PRKN: variants seen among roughly 807,000 people sequenced by gnomAD.
PRKN encodes parkin RBR E3 ubiquitin protein ligase, also known as E3 ubiquitin-protein ligase parkin.
Under a neutral mutation model 59.5 loss-of-function variants are expected in PRKN, and 56 were observed. That is an observed-to-expected ratio of 0.94 (90% CI 0.76 to 1.18). The LOEUF (loss-of-function observed/expected upper bound fraction) is 1.18. Among genes scored for constraint, PRKN ranks in the 50% most tolerant of loss-of-function variants. The pLI is 0.00. For synonymous variants in PRKN, 250 were observed against 222.1 expected, an observed-to-expected ratio of 1.13 and a Z score of -1.12; for missense variants, 657 against 596.4, an observed-to-expected ratio of 1.10 and a Z score of -1.06.
chr6:162,151,252 C>T (rs950257224), intron 4 of PRKN, among the ~76,000 whole-genome samples: 1 of 152,214 alleles, frequency 6.6e-6, no homozygotes, highest in South Asian at 2.1e-4. Context: ...GGCAAGCTGG[C>T]TGGCCGAGAG....
intron 6 of PRKN, among the ~76,000 whole-genome samples, chr6:161,870,671 C>T (rs1384640165): frequency 6.6e-6 from 1 of 152,104 alleles, no homozygotes; most frequent in Non-Finnish European, 1.5e-5. Context: ...AAAAATCCTG[C>T]TGGCCTGTGA....
chr6:162,553,496 C>T (rs1237478475), intron 1 of PRKN, among the ~76,000 whole-genome samples: 2 of 143,144 alleles, frequency 1.4e-5, no homozygotes, highest in African/African-American at 5.2e-5. Flanking sequence ...GAGCCATCTG[C>T]TGATGTGAAC....
intron 5 of PRKN, among the ~76,000 whole-genome samples, chr6:161,996,452 T>C (rs151305014): frequency 6.6e-6 from 1 of 152,244 alleles, no homozygotes; most frequent in Non-Finnish European, 1.5e-5. Context: ...TCTTTTTGGC[T>C]GATTTGCCAA....
chr6:161,977,782 C>T (rs1179453417), intron 5 of PRKN, among the ~76,000 whole-genome samples: 2 of 151,248 alleles, frequency 1.3e-5, no homozygotes, highest in Non-Finnish European at 2.9e-5. Context: ...CTCCTGACCT[C>T]GTGATCTGCC....
chr6:161,790,946 T>A (rs528501453), intron 6 of PRKN, among the ~76,000 whole-genome samples: 2 of 152,310 alleles, frequency 1.3e-5, no homozygotes, highest in East Asian at 3.9e-4. Context: ...CAAATGGCTC[T>A]GGGAGTGGAA....
At chr6:162,273,107 T>C (rs535436264) in intron 2 of PRKN, among the ~76,000 whole-genome samples, 4 of 131,168 alleles carry the variant, frequency 3.0e-5, no homozygotes, top group African/African-American at 8.6e-5. Context: ...AAGCAGAAAA[T>C]AGAATATAGT....
chr6:162,123,612 G>C (rs1781008998), intron 4 of PRKN, among the ~76,000 whole-genome samples: 1 of 152,206 alleles, frequency 6.6e-6, no homozygotes, highest in African/African-American at 2.4e-5. Context: ...GACAAGGATA[G>C]TATGATGGTT....
intron 1 of PRKN, among the ~76,000 whole-genome samples, chr6:162,490,465 C>G (rs1277674631): frequency 4.6e-5 from 7 of 152,156 alleles, no homozygotes; most frequent in Non-Finnish European, 7.3e-5. Flanking sequence ...AAAAATAACA[C>G]TCACTAATAG....
chr6:162,287,844 C>T (rs571153316), intron 2 of PRKN, among the ~76,000 whole-genome samples: 5 of 152,128 alleles, frequency 3.3e-5, no homozygotes, highest in Non-Finnish European at 5.9e-5. Context: ...GTAGAATTCG[C>T]AGCTAAGTGG....
intron 2 of PRKN, among the ~76,000 whole-genome samples, chr6:162,338,019 T>A (rs1297674262): frequency 6.6e-6 from 1 of 152,168 alleles, no homozygotes; most frequent in Non-Finnish European, 1.5e-5. Context: ...AATCTAAAAA[T>A]TAACTTTCCG....
intron 1 of PRKN, among the ~76,000 whole-genome samples, chr6:162,446,719 A>C (rs1474724887): frequency 6.6e-6 from 1 of 152,232 alleles, no homozygotes; most frequent in African/African-American, 2.4e-5. Flanking sequence ...TGAGTTCATA[A>C]TCAAGTGCCA....
At chr6:162,044,343 C>T (rs907473528) in intron 5 of PRKN, among the ~76,000 whole-genome samples, 9 of 152,178 alleles carry the variant, frequency 5.9e-5, no homozygotes, top group African/African-American at 7.2e-5. Context: ...TCAGCCATCA[C>T]CACCTCCCAG....
At chr6:161,826,764 A>T (rs1327092984) in intron 6 of PRKN, among the ~76,000 whole-genome samples, 2 of 152,228 alleles carry the variant, frequency 1.3e-5, no homozygotes, top group Admixed American at 6.5e-5. Context: ...TTCTGACAGC[A>T]CCAATTCAAC....
At chr6:161,938,036 A>C (rs1479385964) in intron 6 of PRKN, among the ~76,000 whole-genome samples, 4 of 152,240 alleles carry the variant, frequency 2.6e-5, no homozygotes, top group Non-Finnish European at 5.9e-5. Context: ...TAATTGGACA[A>C]CCTAGGTCAA....
chr6:162,727,600 G>C, intron 1 of PRKN, 62 bp downstream of exon 1: 2 of 1,528,224 alleles, frequency 1.3e-6, no homozygotes, highest in Non-Finnish European at 1.8e-6. Flanking sequence ...GAGGCGGGGC[G>C]TGGCGCCATA....
intron 1 of PRKN, among the ~76,000 whole-genome samples, chr6:162,524,393 A>C (rs1398106022): frequency 6.6e-6 from 1 of 152,182 alleles, no homozygotes; most frequent in Non-Finnish European, 1.5e-5. Context: ...CCTTGGAATT[A>C]CTTCAGACTG....
chr6:162,178,757 GTTTA>G (rs1355723677), intron 4 of PRKN, among the ~76,000 whole-genome samples: 1 of 152,116 alleles, frequency 6.6e-6, no homozygotes, highest in Non-Finnish European at 1.5e-5. Context: ...TTTTGTTTGT[GTTTA>G]TTTCTTTCCC....
At chr6:161,775,677 G>A (rs1789893742) in intron 7 of PRKN, among the ~76,000 whole-genome samples, 1 of 152,110 alleles carries the variant, frequency 6.6e-6, no homozygotes. Context: ...ATATTAACAT[G>A]ATTATTTGTA....
At chr6:161,836,393 A>G (rs963694876) in intron 6 of PRKN, among the ~76,000 whole-genome samples, 2 of 152,160 alleles carry the variant, frequency 1.3e-5, no homozygotes, top group Non-Finnish European at 2.9e-5. Context: ...ATTGCCGTAC[A>G]TGATTCAGTT....
Sources: gnomAD v4.1 joint callset for allele counts (sites outside exome capture counted in the v4.1 genomes callset) on GRCh38, gnomAD v4.1.1 for gene constraint, MANE v1.5 for transcripts, NCBI Gene and HGNC (gene_info 2026-07-23, HGNC 2026-07-21) for gene names.